The following ZNF681 variants were observed in gnomAD, a reference collection of about 807,000 sequenced individuals.
ZNF681 encodes the protein zinc finger protein 681.
Under a neutral mutation model 56.0 loss-of-function variants are expected in ZNF681, and 37 were observed. The observed-to-expected ratio is 0.66, with a 90% CI of 0.51 to 0.87. ZNF681 has a LOEUF of 0.87. ZNF681 is among the 40% of genes least tolerant of loss of function. ZNF681 has a pLI of 0.00. For synonymous variants in ZNF681, 225 were observed against 248.6 expected (o/e 0.91, Z 0.89); for missense variants, 741 against 744.9 (o/e 0.99, Z 0.06).
Position 23,758,755 on chromosome 19 carries a change from G to A in ZNF681, c.-6C>T. 6.2e-7 allele frequency: 1 copy of A among 1,614,224 alleles called. No homozygotes were observed. The highest frequency in any genetic ancestry group is 1.1e-5 in the South Asian group (1 of 91,088). On this transcript the variant is annotated 5_prime_UTR_variant, in exon 1 of 4. Coordinates refer to ENST00000402377, the MANE Select transcript of ZNF681 (RefSeq NM_138286.3). ...GGACCCGACATTCTCACCATTTCTAGGTTTCCGGGGGACCTGGCGTCTTAG... is the reference window on the plus strand; with the variant it reads ...GGACCCGACATTCTCACCATTTCTAAGTTTCCGGGGGACCTGGCGTCTTAG...
At chr19:23,752,806 A>C (rs1969052471) in intron 3 of ZNF681, among the ~76,000 whole-genome samples, 4 of 152,222 alleles carry the variant, frequency 2.6e-5, no homozygotes. Flanking sequence ...TGCTTTTTCA[A>C]GTTTAAAGAC....
chr19:23,753,125 A>G (rs6511518), intron 3 of ZNF681, among the ~76,000 whole-genome samples: 148,306 of 152,158 alleles, frequency 0.97, 72,359 homozygotes, highest in East Asian at 1. Flanking sequence ...ACAGCCAGGC[A>G]TGGTGGCTCA....
chr19:23,755,708 T>C (rs1421184796), intron 1 of ZNF681, among the ~76,000 whole-genome samples, 157 bp from the exon 2 acceptor site: 1 of 152,022 alleles, frequency 6.6e-6, no homozygotes, highest in African/African-American at 2.4e-5. Context: ...AATTATCCAA[T>C]AAAATAATTT....
At chr19:23,748,255 A>G (rs1434036715) in intron 3 of ZNF681, among the ~76,000 whole-genome samples, 1 of 152,192 alleles carries the variant, frequency 6.6e-6, no homozygotes, top group Non-Finnish European at 1.5e-5. Context: ...CAGGGAGCTA[A>G]AGGCCCGAGG....
intron 1 of ZNF681, among the ~76,000 whole-genome samples, chr19:23,755,863 T>C (rs1319061484): frequency 6.6e-6 from 1 of 152,142 alleles, no homozygotes; most frequent in Non-Finnish European, 1.5e-5. Flanking sequence ...CTGGTGAGGC[T>C]GAGGAGAAAT....
In ZNF681 at chr19:23,745,161, A is replaced by C; in HGVS notation, c.389T>G (p.Leu130Arg). 1 of 1,612,842 alleles carries C rather than the reference A, an allele frequency of 6.2e-7. No homozygotes were observed. Among genetic ancestry groups the C allele is most frequent in the South Asian group, 1.1e-5 (1 of 90,510 alleles). ...CKVQKGGYNGLNQCLPTTQSK... is the reference protein window; with the variant it reads ...CKVQKGGYNGRNQCLPTTQSK... ...CTGGGTAGTTGGCAAACATTGGTTAAGTCCATTATAACCTCCTTTTTGCAC... is the reference window on the plus strand; with the variant it reads ...CTGGGTAGTTGGCAAACATTGGTTACGTCCATTATAACCTCCTTTTTGCAC... The change falls in exon 4 of 4, where the codon CTT becomes CGT. Residue 130 changes from leucine (L) to arginine (R), a missense_variant. Leu to Arg is a moderately radical substitution (Grantham distance 102). Coordinates refer to ENST00000402377, the MANE Select transcript of ZNF681 (RefSeq NM_138286.3).
chr19:23,755,523 A>T lies in ZNF681; in HGVS notation c.32T>A (p.Ile11Lys). The T allele has an allele frequency of 6.2e-7, 1 of 1,607,376 alleles. No homozygotes were observed. The highest frequency in any genetic ancestry group is 8.5e-7 in the Non-Finnish European group (1 of 1,176,510). The change falls in exon 2 of 4, where the codon ATA (isoleucine) becomes AAA (lysine). Residue 11 changes from isoleucine to lysine, a missense_variant. Coordinates refer to ENST00000402377, the MANE Select transcript of ZNF681 (RefSeq NM_138286.3). Reference sequence around the variant, plus strand: ...TTGCCACTCCTCCAGAGAGAATTCTATGGCCACATCCCTAAATTTCAATGG... The same window carrying T: ...TTGCCACTCCTCCAGAGAGAATTCTTTGGCCACATCCCTAAATTTCAATGG... Reference protein sequence around the residue: MEPLKFRDVAIEFSLEEWQCL... With the variant: MEPLKFRDVAKEFSLEEWQCL...
In ZNF681 at chr19:23,758,720, T is replaced by C. The variant is rs190449855; in HGVS notation, c.3+27A>G. On this transcript the variant is annotated intron_variant, in intron 1 of 3. Transcript: ENST00000402377. ...TCCCGCCACAGCCCCTTCCCCTCTC[T>C]CGGGATGTCGGACCCGACATTCTCA... is the stretch of plus-strand genomic sequence containing the variant. 1.7e-3 allele frequency: 2,694 copies of C among 1,614,124 alleles called. 4 individuals are homozygous for C. Among genetic ancestry groups the C allele is most frequent in the Non-Finnish European group, 2.0e-3 (2,387 of 1,180,012 alleles).
chr19:23,754,539 A>C (rs1342930143), intron 3 of ZNF681, among the ~76,000 whole-genome samples: 1 of 152,078 alleles, frequency 6.6e-6, no homozygotes, highest in East Asian at 1.9e-4. Context: ...GGTGGCACAC[A>C]CCTGTAGTCC....
At chr19:23,756,852 T>A (rs1211772132) in intron 1 of ZNF681, among the ~76,000 whole-genome samples, 1 of 151,908 alleles carries the variant, frequency 6.6e-6, no homozygotes, top group African/African-American at 2.4e-5. Context: ...TAGAAATAAA[T>A]GATAATAAAA....
chr19:23,744,756 A>T lies in ZNF681; in HGVS notation c.794T>A (p.Leu265Gln), dbSNP rs1388525869. 1 of 1,612,900 alleles carries T rather than the reference A, an allele frequency of 6.2e-7. No individual in the cohort carries two copies. Among genetic ancestry groups the T allele is most frequent in the East Asian group, 2.2e-5 (1 of 44,806 alleles). The change falls in exon 4 of 4, where the codon CTG becomes CAG. Residue 265 changes from leucine to glutamine, a missense_variant. Transcript: ENST00000402377. ...TGTATGTGTTGTAATGTGTGACGAC[A>T]GGTTAAAGGCTTTGCTACATTCTTC... is the stretch of plus-strand genomic sequence containing the variant. The part of the protein sequence containing the change: ...KREECSKAFN[L>Q]SSHITTHTII...
chr19:23,758,690 C>T, intron 1 of ZNF681, 57 bp downstream of exon 1: 5 of 1,613,902 alleles, frequency 3.1e-6, no homozygotes, highest in Non-Finnish European at 4.2e-6. Flanking sequence ...GCGGCGAGGT[C>T]TGAGTCCCGC....
At chr19:23,758,198 T>C (rs1291662200) in intron 1 of ZNF681, among the ~76,000 whole-genome samples, 2 of 152,180 alleles carry the variant, frequency 1.3e-5, no homozygotes, top group Non-Finnish European at 2.9e-5. Flanking sequence ...GCTCCTGGAT[T>C]GTAGGGACCA....
intron 3 of ZNF681, among the ~76,000 whole-genome samples, chr19:23,753,027 C>T (rs1198181391): frequency 6.6e-6 from 1 of 152,140 alleles, no homozygotes. Flanking sequence ...TAAATACACT[C>T]AGTAAATTAG....
chr19:23,756,568 C>T (rs1386927898), intron 1 of ZNF681, among the ~76,000 whole-genome samples: 1 of 152,074 alleles, frequency 6.6e-6, no homozygotes, highest in Non-Finnish European at 1.5e-5. Flanking sequence ...TGCATGTTGT[C>T]ACTCATTAGT....
intron 1 of ZNF681, among the ~76,000 whole-genome samples, chr19:23,757,721 A>G (rs1299857803): frequency 6.6e-6 from 1 of 152,166 alleles, no homozygotes; most frequent in Non-Finnish European, 1.5e-5. Context: ...ACTTAAGGGT[A>G]GGGCCAGACC....
rs1968856231 is a variant in ZNF681 at position 23,739,796 on chromosome 19, A to AAAACTGTAG, written c.*3807_*3815dup. The AAAACTGTAG allele has an allele frequency of 6.6e-6, 1 of 152,150 alleles. No homozygotes were observed. The highest frequency in any genetic ancestry group is 6.5e-5 in the Admixed American group (1 of 15,272). 9.4% of individuals were successfully genotyped at this position (152,150 alleles called of 1,614,324 possible). On this transcript the variant is annotated 3_prime_UTR_variant, in exon 4 of 4. Transcript: ENST00000402377. ...GGCTAGAGTTAGGTGACTAAATGTAAAAACTGTAGACTGAACTTCACCCAC... is the reference window on the plus strand; with the variant it reads ...GGCTAGAGTTAGGTGACTAAATGTAAAAACTGTAGAAACTGTAGACTGAACTTCACCCAC...
chr19:23,745,100 G>T lies in ZNF681; in HGVS notation c.450C>A (p.Ile150=). The change falls in exon 4 of 4, where the codon ATC becomes ATA. Residue 150 remains isoleucine (I), a synonymous_variant. Transcript: ENST00000402377. ...KIFQCDKYMK[I]FHKFSNLNGH... Reference sequence around the variant, plus strand: ...CATTTAAATTTGAAAATTTATGAAAGATTTTCATATATTTATCACATTGAA... The same window carrying T: ...CATTTAAATTTGAAAATTTATGAAATATTTTCATATATTTATCACATTGAA... The T allele has an allele frequency of 6.2e-7, 1 of 1,605,266 alleles. No individual in the cohort carries two copies. Among genetic ancestry groups the T allele is most frequent in the Non-Finnish European group, 8.5e-7 (1 of 1,175,762 alleles).
At chr19:23,756,851 A>G (rs1251151694) in intron 1 of ZNF681, among the ~76,000 whole-genome samples, 1 of 152,068 alleles carries the variant, frequency 6.6e-6, no homozygotes, top group East Asian at 1.9e-4. Flanking sequence ...TTAGAAATAA[A>G]TGATAATAAA....
Sources: allele counts gnomAD v4.1 joint callset (sites outside exome capture counted in the v4.1 genomes callset), GRCh38; gene constraint gnomAD v4.1.1; transcripts MANE v1.5; gene names NCBI Gene and HGNC (gene_info 2026-07-23, HGNC 2026-07-21).